The following DLGAP2 variants were observed in gnomAD, a reference collection of about 807,000 sequenced individuals.
DLGAP2 encodes the protein DLG associated protein 2.
In DLGAP2, 26 loss-of-function variants were observed where a neutral mutation model predicts 100.3. That is an observed-to-expected ratio of 0.26 (90% confidence interval 0.19 to 0.36). The LOEUF is 0.36. DLGAP2 is among the 10% of genes least tolerant of loss of function. The pLI is 1.00. For synonymous variants in DLGAP2, 886 were observed against 630.1 expected (o/e 1.41, Z -6.08); for missense variants, 1,858 against 1,453.2 (o/e 1.28, Z -4.53).
At chr8:1,221,169 G>C (rs1471190626) in intron 2 of DLGAP2, among the ~76,000 whole-genome samples, 2 of 152,126 alleles carry the variant, frequency 1.3e-5, no homozygotes, top group African/African-American at 2.4e-5. Flanking sequence ...TGTATACTCG[G>C]TTATATAGTT....
intron 2 of DLGAP2, among the ~76,000 whole-genome samples, chr8:1,161,084 G>A (rs1452645884): frequency 6.6e-6 from 1 of 152,214 alleles, no homozygotes; most frequent in East Asian, 1.9e-4. Context: ...TATTCCAGCA[G>A]GTTTACTTTT....
chr8:766,552 G>A (rs1027321708), intron 1 of DLGAP2, among the ~76,000 whole-genome samples: 4 of 152,162 alleles, frequency 2.6e-5, no homozygotes, highest in African/African-American at 9.7e-5. Flanking sequence ...TGTGTCCGGC[G>A]TTATTGGCTG....
At chr8:1,435,428 T>C (rs1797589351) in intron 3 of DLGAP2, among the ~76,000 whole-genome samples, 1 of 152,192 alleles carries the variant, frequency 6.6e-6, no homozygotes, top group African/African-American at 2.4e-5. Flanking sequence ...GCTGGAAGAC[T>C]CCTACTGTCC....
At chr8:1,244,735 C>G (rs1798868642) in intron 2 of DLGAP2, among the ~76,000 whole-genome samples, 1 of 152,120 alleles carries the variant, frequency 6.6e-6, no homozygotes, top group South Asian at 2.1e-4. Flanking sequence ...AGAGATGACA[C>G]CCAAAGCGCA....
At chr8:1,689,071 GGACT>G (rs1799185084) in intron 12 of DLGAP2, among the ~76,000 whole-genome samples, 1 of 152,138 alleles carries the variant, frequency 6.6e-6, no homozygotes, top group South Asian at 2.1e-4. Flanking sequence ...ACTGTCTCTA[GGACT>G]GACTGTTAAG....
At chr8:774,035 C>T (rs2132612698) in intron 1 of DLGAP2, among the ~76,000 whole-genome samples, 1 of 152,324 alleles carries the variant, frequency 6.6e-6, no homozygotes, top group Non-Finnish European at 1.5e-5. Flanking sequence ...TTAATGATTG[C>T]CATTCTAACT....
intron 3 of DLGAP2, among the ~76,000 whole-genome samples, chr8:1,321,590 G>A (rs532840680): frequency 2.0e-5 from 3 of 152,278 alleles, no homozygotes; most frequent in African/African-American, 2.4e-5. Flanking sequence ...GGAATTCAGC[G>A]GATAATTGCT....
chr8:1,249,162 TG>T (rs1286346466), intron 2 of DLGAP2, among the ~76,000 whole-genome samples: 2 of 152,156 alleles, frequency 1.3e-5, no homozygotes, highest in Non-Finnish European at 2.9e-5. Context: ...GCTCTACCCT[TG>T]CCTGCTTTAC....
chr8:879,122 C>G (rs1026588576), intron 1 of DLGAP2, among the ~76,000 whole-genome samples: 7 of 152,182 alleles, frequency 4.6e-5, no homozygotes, highest in African/African-American at 1.7e-4. Context: ...CAAATGCCAT[C>G]TAAAATCTTA....
intron 3 of DLGAP2, among the ~76,000 whole-genome samples, chr8:1,269,288 T>C (rs1489762404): frequency 1.3e-5 from 2 of 152,164 alleles, no homozygotes; most frequent in Admixed American, 6.5e-5. Flanking sequence ...CCAGAGGGTG[T>C]TCCAGCCTGG....
At chr8:840,699 T>C (rs865831263) in intron 1 of DLGAP2, among the ~76,000 whole-genome samples, 6 of 132,436 alleles carry the variant, frequency 4.5e-5, no homozygotes, top group South Asian at 2.6e-4. Flanking sequence ...TATGTCTCCC[T>C]ACACTCTGGA....
intron 3 of DLGAP2, among the ~76,000 whole-genome samples, chr8:1,373,134 G>T (rs1802287660): frequency 6.6e-6 from 1 of 152,180 alleles, no homozygotes; most frequent in Non-Finnish European, 1.5e-5. Context: ...CATGTGGGGC[G>T]GGGGCGTCTT....
intron 4 of DLGAP2, among the ~76,000 whole-genome samples, chr8:1,533,974 A>G (rs912945918): frequency 2.0e-5 from 3 of 152,224 alleles, no homozygotes; most frequent in African/African-American, 7.2e-5. Flanking sequence ...AATACTATGA[A>G]TACATATTTC....
chr8:1,157,787 C>T (rs1019162555), intron 2 of DLGAP2, among the ~76,000 whole-genome samples: 2 of 152,234 alleles, frequency 1.3e-5, no homozygotes, highest in Admixed American at 6.5e-5. Context: ...CTTTTCAACA[C>T]AAGGTCATCC....
At chr8:1,370,165 C>A (rs945037650) in intron 3 of DLGAP2, among the ~76,000 whole-genome samples, 2 of 152,192 alleles carry the variant, frequency 1.3e-5, no homozygotes, top group Admixed American at 6.5e-5. Context: ...CCTAGTCTTT[C>A]CCTGAGAGTT....
chr8:941,982 G>C (rs1799207421), intron 2 of DLGAP2, among the ~76,000 whole-genome samples: 1 of 152,076 alleles, frequency 6.6e-6, no homozygotes, highest in Non-Finnish European at 1.5e-5. Flanking sequence ...TGTTTTTGTT[G>C]TCTCTCTTTA....
Position 1,668,299 on chromosome 8 carries a change from C to T in DLGAP2, c.1811-30C>T, listed in dbSNP as rs1054006717. The T allele has an allele frequency of 1.9e-5, 28 of 1,454,944 alleles. 1 individual carries two copies. In the South Asian group the frequency reaches 3.8e-4, roughly 20 times the overall value. 90.1% of individuals were successfully genotyped at this position (1,454,944 alleles called of 1,614,324 possible). The stretch of plus-strand genomic sequence containing the variant: ...CACAGGCTGACGGGGAAGAACACGC[C>T]TGTTGACTTGGGACTTTCTTTTCTT... On this transcript the variant is annotated intron_variant, in intron 8 of 14. Coordinates refer to ENST00000637795, the MANE Select transcript of DLGAP2 (RefSeq NM_001346810.2).
chr8:897,381 T>C (rs1036253682), intron 1 of DLGAP2, among the ~76,000 whole-genome samples: 6 of 152,204 alleles, frequency 3.9e-5, no homozygotes, highest in African/African-American at 1.4e-4. Context: ...ACTGGAAAGC[T>C]TTAGGAAGGC....
At position 1,511,672 on chromosome 8, in the gene DLGAP2, G is replaced by A. The variant is rs539451916; in HGVS notation, c.172+10241G>A. On this transcript the variant is annotated intron_variant, in intron 4 of 14. Coordinates refer to ENST00000637795, the MANE Select transcript of DLGAP2 (RefSeq NM_001346810.2). ...CTTCCATGGACGTAAGGGCTGTCTA[G>A]TGTAGGACAATCAATAGATGACCAT... 4.0e-5 allele frequency among the ~76,000 whole-genome samples: 6 copies of A among 151,656 alleles called. No individual in the cohort carries two copies. In the East Asian group the frequency reaches 1.2e-3, roughly 30 times the overall value.
Sources: allele counts gnomAD v4.1 joint callset (sites outside exome capture counted in the v4.1 genomes callset), GRCh38; gene constraint gnomAD v4.1.1; transcripts MANE v1.5; gene names NCBI Gene and HGNC (gene_info 2026-07-23, HGNC 2026-07-21).